Variants in SMOC1 observed in about 807,000 individuals in gnomAD.
SMOC1 encodes SPARC-related modular calcium-binding protein 1.
Under a neutral mutation model 56.3 loss-of-function variants are expected in SMOC1, and 22 were observed. The observed-to-expected ratio is 0.39, with a 90% confidence interval of 0.28 to 0.56. The LOEUF is 0.56. Ranked by LOEUF, SMOC1 falls within the 20% of genes least tolerant of loss-of-function variation. The pLI is 0.61. For synonymous variants in SMOC1, 193 were observed against 215.0 expected, an observed-to-expected ratio of 0.90 and a Z score of 0.89; for missense variants, 509 against 565.4, an observed-to-expected ratio of 0.90 and a Z score of 1.01.
chr14:69,937,759 T>C (rs1882374186), intron 1 of SMOC1, among the ~76,000 whole-genome samples: 1 of 152,212 alleles, frequency 6.6e-6, no homozygotes, highest in African/African-American at 2.4e-5. Context: ...TTTGAGGGTA[T>C]GCACACATGC....
intron 1 of SMOC1, chr14:69,886,217 C>T (rs1883806369): frequency 1.4e-6 from 1 of 723,016 alleles, no homozygotes; most frequent in Non-Finnish European, 2.3e-6. Context: ...TGTATTAATC[C>T]TCCTGCAGTG....
chr14:70,009,938 G>C (rs1885273972), intron 7 of SMOC1, among the ~76,000 whole-genome samples: 1 of 152,204 alleles, frequency 6.6e-6, no homozygotes, highest in Non-Finnish European at 1.5e-5. Flanking sequence ...GTGGTTGATT[G>C]GGAAGAATTT....
intron 1 of SMOC1, among the ~76,000 whole-genome samples, chr14:69,926,956 C>T (rs1192980191): frequency 2.0e-5 from 3 of 152,170 alleles, no homozygotes; most frequent in African/African-American, 7.2e-5. Context: ...ATGATGATGA[C>T]AACAGTGGCT....
chr14:69,995,318 A>C (rs2139551399), intron 7 of SMOC1, among the ~76,000 whole-genome samples: 1 of 152,350 alleles, frequency 6.6e-6, no homozygotes, highest in East Asian at 1.9e-4. Flanking sequence ...CCTGTTCACC[A>C]GCTCTGTCCT....
chr14:70,018,814 T>G (rs1355976547), intron 10 of SMOC1, among the ~76,000 whole-genome samples: 1 of 152,184 alleles, frequency 6.6e-6, no homozygotes, highest in Non-Finnish European at 1.5e-5. Flanking sequence ...CTGCCCAGTG[T>G]GGTTGCCTGT....
At chr14:69,916,023 A>G (rs1306790612) in intron 1 of SMOC1, among the ~76,000 whole-genome samples, 3 of 152,222 alleles carry the variant, frequency 2.0e-5, no homozygotes, top group African/African-American at 4.8e-5. Flanking sequence ...TAGTCTGGAT[A>G]TAGCCATACC....
intron 10 of SMOC1, among the ~76,000 whole-genome samples, chr14:70,017,397 C>T (rs142563596): frequency 3.8e-4 from 58 of 152,254 alleles, no homozygotes; most frequent in Admixed American, 3.2e-3. Context: ...ACAGGACTGA[C>T]GAAGACAATT....
At chr14:70,024,779 T>C (rs1292621265) in intron 11 of SMOC1, among the ~76,000 whole-genome samples, 2 of 152,212 alleles carry the variant, frequency 1.3e-5, no homozygotes, top group Admixed American at 6.5e-5. Flanking sequence ...TGAAAGACTT[T>C]AGACTTTATA....
intron 1 of SMOC1, among the ~76,000 whole-genome samples, chr14:69,926,611 G>T (rs1309131984): frequency 6.6e-6 from 1 of 152,200 alleles, no homozygotes; most frequent in Non-Finnish European, 1.5e-5. Context: ...CAGAACCCCA[G>T]TTTCTGTCCT....
At chr14:69,896,047 T>C (rs1178664118) in intron 1 of SMOC1, among the ~76,000 whole-genome samples, 3 of 152,208 alleles carry the variant, frequency 2.0e-5, no homozygotes, top group African/African-American at 7.2e-5. Flanking sequence ...TCTTGCTATA[T>C]TGTCTAGGCT....
At position 70,030,426 on chromosome 14, in the gene SMOC1, T is replaced by C. The variant is rs536000675; in HGVS notation, c.*168T>C. The C allele has an allele frequency of 5.0e-5, 40 of 804,594 alleles. No homozygotes were observed. The East Asian group carries it at 5.2e-4, about 10-fold the overall frequency. The allele number at this position is 804,594 out of a possible 1,614,324, so 49.8% of individuals were successfully genotyped here. ...TTACTTGCGTGTTTTGTTTTTGGTT[T>C]CATTTTAAAACACCAATATCTAATA... On this transcript the variant is annotated 3_prime_UTR_variant, in exon 12 of 12. Coordinates refer to ENST00000361956, the MANE Select transcript of SMOC1 (RefSeq NM_001034852.3).
chr14:69,987,780 G>A (rs749218817), intron 5 of SMOC1, among the ~76,000 whole-genome samples: 8 of 152,192 alleles, frequency 5.3e-5, no homozygotes, highest in Non-Finnish European at 8.8e-5. Flanking sequence ...CGGTGTCATC[G>A]GGGGTCGAAG....
At chr14:69,942,566 T>C (rs1882603930) in intron 1 of SMOC1, among the ~76,000 whole-genome samples, 1 of 152,228 alleles carries the variant, frequency 6.6e-6, no homozygotes, top group Admixed American at 6.5e-5. Context: ...GTTCTCCTGC[T>C]TCTCTCCTTA....
chr14:69,991,608 A>G (rs1884572503), intron 5 of SMOC1, among the ~76,000 whole-genome samples: 1 of 152,210 alleles, frequency 6.6e-6, no homozygotes, highest in South Asian at 2.1e-4. Flanking sequence ...CTTGCTGTGC[A>G]GAGAGGACTG....
chr14:69,921,742 G>T (rs1336681980), intron 1 of SMOC1, among the ~76,000 whole-genome samples: 1 of 152,170 alleles, frequency 6.6e-6, no homozygotes, highest in East Asian at 1.9e-4. Flanking sequence ...TCACTGCATC[G>T]TTCAGCTGGA....
chr14:69,935,032 C>T (rs890646522), intron 1 of SMOC1, among the ~76,000 whole-genome samples: 3 of 152,180 alleles, frequency 2.0e-5, no homozygotes, highest in Non-Finnish European at 4.4e-5. Flanking sequence ...TATTTCTATT[C>T]TACTATGACT....
chr14:70,010,228 G>A (rs79117468), intron 7 of SMOC1, among the ~76,000 whole-genome samples: 4,892 of 152,312 alleles, frequency 0.032, 270 homozygotes, highest in African/African-American at 0.11. Context: ...GCTGGACCTT[G>A]TTTCTGCTCC....
chr14:69,983,086 G>T (rs986441542), intron 5 of SMOC1, among the ~76,000 whole-genome samples: 4 of 152,166 alleles, frequency 2.6e-5, no homozygotes, highest in Non-Finnish European at 4.4e-5. Context: ...TGCTCCGCCA[G>T]CTTGGCTCCA....
At chr14:69,981,087 G>A (rs945560582) in intron 5 of SMOC1, among the ~76,000 whole-genome samples, 1 of 152,096 alleles carries the variant, frequency 6.6e-6, no homozygotes, top group African/African-American at 2.4e-5. Flanking sequence ...GGAGGCTGGG[G>A]GAGGAGGCCC....
Sources: allele counts gnomAD v4.1 joint callset (sites outside exome capture counted in the v4.1 genomes callset), GRCh38; gene constraint gnomAD v4.1.1; transcripts MANE v1.5; gene names NCBI Gene and HGNC (gene_info 2026-07-23, HGNC 2026-07-21).